Variants in DYRK2 observed in about 807,000 individuals in gnomAD.
DYRK2 encodes the protein dual specificity tyrosine-phosphorylation-regulated kinase 2.
Under a neutral mutation model 41.6 loss-of-function variants are expected in DYRK2, and 12 were observed. The observed-to-expected ratio is 0.29, with a 90% CI of 0.18 to 0.47. The LOEUF (loss-of-function observed/expected upper bound fraction) is 0.47. DYRK2 is among the 20% of genes least tolerant of loss of function. DYRK2 has a pLI of 1.00. For missense variants in DYRK2, 678 were observed against 798.4 expected, an observed-to-expected ratio of 0.85 and a Z score of 1.82; for synonymous variants, 322 against 315.7, an observed-to-expected ratio of 1.02 and a Z score of -0.21.
rs1310218130 is a variant in DYRK2 at position 67,660,098 on chromosome 12, C to G, written c.*1385C>G. 1 of 166,824 alleles carries G rather than the reference C, an allele frequency of 6.0e-6. No individual in the cohort carries two copies. Among genetic ancestry groups the G allele is most frequent in the Non-Finnish European group, 1.5e-5 (1 of 68,086 alleles). 10.3% of individuals were successfully genotyped at this position (166,824 alleles called of 1,614,324 possible). A position where few individuals can be genotyped will look rare whatever the true frequency, so the allele number is the denominator to read the frequency against. ...CAGTGAAAATTTCAGTATTTTATCA[C>G]TAATGTATGAGCAATGATCTATATC... On this transcript the variant is annotated 3_prime_UTR_variant, in exon 3 of 3. Coordinates refer to ENST00000344096, the MANE Select transcript of DYRK2 (RefSeq NM_006482.3).
In DYRK2 at chr12:67,663,547, C is replaced by G. The variant is rs1872675697; in HGVS notation, c.*4834C>G. On this transcript the variant is annotated 3_prime_UTR_variant, in exon 3 of 3. Transcript: ENST00000344096. Reference sequence around the variant, plus strand: ...CCTGGGCCATAGATTTTTGTTACTGCTAATCTTGCTTCTTAAAGTTCACAC... The same window carrying G: ...CCTGGGCCATAGATTTTTGTTACTGGTAATCTTGCTTCTTAAAGTTCACAC... The G allele has an allele frequency of 6.6e-6, 1 of 152,090 alleles. No homozygotes were observed. Among genetic ancestry groups the G allele is most frequent in the Non-Finnish European group, 1.5e-5 (1 of 68,000 alleles). 9.4% of individuals were successfully genotyped at this position (152,090 alleles called of 1,614,324 possible). A position where few individuals can be genotyped will look rare whatever the true frequency, so the allele number is the denominator to read the frequency against.
chr12:67,651,775 A>G (rs1052075038), intron 2 of DYRK2: 1 of 344,592 alleles, frequency 2.9e-6, no homozygotes, highest in Non-Finnish European at 5.7e-6. Flanking sequence ...CTATTCTTTC[A>G]ATTTATAGAT....
chr12:67,657,316 T>C lies in DYRK2; in HGVS notation c.409T>C (p.Ser137Pro), dbSNP rs1472255112. ...LDSIHRRQGS[S>P]TSLKSMEGMG... Reference sequence around the variant, plus strand: ...CAGCATTCATAGACGGCAGGGGAGCTCCACCTCTCTAAAGTCCATGGAAGG... The same window carrying C: ...CAGCATTCATAGACGGCAGGGGAGCCCCACCTCTCTAAAGTCCATGGAAGG... The change falls in exon 3 of 3, where the codon TCC (serine) becomes CCC (proline). Residue 137 changes from serine (S) to proline (P), a missense_variant. By Grantham distance (74) the Ser-to-Pro change is moderately conservative. Transcript: ENST00000344096. The surrounding 1 kb of genome is among the most constrained non-coding windows in gnomAD (Gnocchi z 4.8). 5.6e-6 allele frequency: 9 copies of C among 1,613,720 alleles called. No homozygotes were observed. Among genetic ancestry groups the C allele is most frequent in the Non-Finnish European group, 7.6e-6 (9 of 1,179,916 alleles).
At position 67,658,541 on chromosome 12, in the gene DYRK2, G is replaced by T. The variant is rs1249894970; in HGVS notation, c.1634G>T (p.Gly545Val). Residue 545 changes from glycine to valine, a missense_variant, in exon 3 of 3, where the codon GGG becomes GTG. Physicochemically the swap from Gly to Val is moderately radical, Grantham distance 109 (BLOSUM62 -3). Around this residue, in one of 2 missense-constraint regions of DYRK2, gnomAD observed 393 missense variants for 519.1 expected, o/e 0.76. Transcript: ENST00000344096. This position sits in a 1 kb window ranked among gnomAD's most constrained non-coding sequence, Gnocchi z 4.3. ...AGGCGGTTGCCAAAGCCTCCCACCG[G>T]GGAGAAAACGTCAGTGAAAAGGATA... ...LRRRLPKPPT[G>V]EKTSVKRITE... The T allele has an allele frequency of 3.1e-6, 5 of 1,613,878 alleles. No individual in the cohort carries two copies. In the African/African-American group the frequency reaches 6.7e-5, roughly 22 times the overall value.
intron 2 of DYRK2, among the ~76,000 whole-genome samples, chr12:67,655,192 A>C (rs1324231063): frequency 6.6e-6 from 1 of 152,240 alleles, no homozygotes; most frequent in African/African-American, 2.4e-5. Context: ...AGAAATCTCT[A>C]AAGCCCCAAG....
At position 67,658,725 on chromosome 12, in the gene DYRK2, C is replaced by T. The variant is rs202181002; in HGVS notation, c.*12C>T. 2.5e-6 allele frequency: 4 copies of T among 1,585,242 alleles called. No homozygotes were observed. In the African/African-American group the frequency reaches 5.4e-5, roughly 21 times the overall value. On this transcript the variant is annotated 3_prime_UTR_variant, in exon 3 of 3. Coordinates refer to ENST00000344096, the MANE Select transcript of DYRK2 (RefSeq NM_006482.3). This position sits in a 1 kb window ranked among gnomAD's most constrained non-coding sequence, Gnocchi z 4.3. ...AACTTGTTAGCTGAGCTCACGTCCC[C>T]TGATGCTGGTAACCTGAAAGATACG...
At position 67,649,934 on chromosome 12, in the gene DYRK2, G is replaced by T; in HGVS notation, c.187G>T (p.Ala63Ser). The T allele has an allele frequency of 7.3e-7, 1 of 1,374,952 alleles. No homozygotes were observed. Among genetic ancestry groups the T allele is most frequent in the Non-Finnish European group, 9.3e-7 (1 of 1,072,076 alleles). The allele number at this position is 1,374,952 out of a possible 1,614,324, so 85.2% of individuals were successfully genotyped here. Residue 63 changes from alanine (A) to serine (S), a missense_variant, in exon 2 of 3, where the codon GCA becomes TCA. Transcript: ENST00000344096. ...TCTCCGGGCCAGCAACGCTGCCGCC[G>T]CAGCCCACACGGTGAGACCCAGCCC... ...PPLRASNAAA[A>S]AHTIGGSKHT...
intron 2 of DYRK2, among the ~76,000 whole-genome samples, chr12:67,655,003 T>C (rs1872425256): frequency 1.3e-5 from 2 of 152,174 alleles, no homozygotes; most frequent in Non-Finnish European, 2.9e-5. Flanking sequence ...GGTTAGGTAG[T>C]AGTTGATGCT....
rs766149027 is a variant in DYRK2 at position 67,657,668 on chromosome 12, G to A, written c.761G>A (p.Arg254Gln). 1.9e-6 allele frequency: 3 copies of A among 1,613,648 alleles called. No homozygotes were observed. Among genetic ancestry groups the A allele is most frequent in the Non-Finnish European group, 2.5e-6 (3 of 1,179,942 alleles). The change falls in exon 3 of 3, where the codon CGG becomes CAG. Residue 254 changes from arginine to glutamine, a missense_variant. Arg to Gln is a conservative substitution (Grantham distance 43). Coordinates refer to ENST00000344096, the MANE Select transcript of DYRK2 (RefSeq NM_006482.3). This position sits in a 1 kb window ranked among gnomAD's most constrained non-coding sequence, Gnocchi z 4.8. ...VHQHVALKMVRNEKRFHRQAA... is the reference protein window; with the variant it reads ...VHQHVALKMVQNEKRFHRQAA... Reference sequence around the variant, plus strand: ...CAGCACGTGGCCCTAAAGATGGTGCGGAATGAGAAGCGCTTCCACCGGCAA... The same window carrying A: ...CAGCACGTGGCCCTAAAGATGGTGCAGAATGAGAAGCGCTTCCACCGGCAA...
rs376855807 is a variant in DYRK2, at chr12:67,658,080, A to G, written c.1173A>G (p.Pro391=). 6 of 1,614,124 alleles carry G rather than the reference A, an allele frequency of 3.7e-6. No individual in the cohort carries two copies. The African/African-American group carries it at 4.0e-5, about 11-fold the overall frequency. ...TCCAGTCGCGTTTTTACCGGGCTCCAGAAGTGATCCTTGGGGCCAGGTATG... is the reference window on the plus strand; with the variant it reads ...TCCAGTCGCGTTTTTACCGGGCTCCGGAAGTGATCCTTGGGGCCAGGTATG... The part of the protein sequence containing the change: ...TYIQSRFYRA[P]EVILGARYGM... Residue 391 remains proline (P), a synonymous_variant, in exon 3 of 3, where the codon CCA becomes CCG. Transcript: ENST00000344096. This position sits in a 1 kb window ranked among gnomAD's most constrained non-coding sequence, Gnocchi z 4.3.
In DYRK2 at chr12:67,657,558, C is replaced by T. The variant is rs1409963245; in HGVS notation, c.651C>T (p.His217=). ...CATATGTGCAGGTGCCCCACGATCA[C>T]GTGGCTTACAGGTATGAGGTCCTCA... ...QGSYVQVPHD[H]VAYRYEVLKV... Residue 217 remains histidine (H), a synonymous_variant, in exon 3 of 3, where the codon CAC becomes CAT. Transcript: ENST00000344096. The surrounding 1 kb of genome is among the most constrained non-coding windows in gnomAD (Gnocchi z 4.8). 8 of 1,613,962 alleles carry T rather than the reference C, an allele frequency of 5.0e-6. No individual in the cohort carries two copies. In the East Asian group the frequency reaches 8.9e-5, roughly 18 times the overall value.
chr12:67,663,823 C>T lies in DYRK2; in HGVS notation c.*5110C>T, dbSNP rs1872682625. On this transcript the variant is annotated 3_prime_UTR_variant, in exon 3 of 3. Coordinates refer to ENST00000344096, the MANE Select transcript of DYRK2 (RefSeq NM_006482.3). The stretch of plus-strand genomic sequence containing the variant: ...TCAATGTGCAATTCTGTTTGAGTCT[C>T]TACAGTCCTATCCCTTTTGGAATGA... 1 of 152,162 alleles carries T rather than the reference C, an allele frequency of 6.6e-6. No individual in the cohort carries two copies. The highest frequency in any genetic ancestry group is 1.5e-5 in the Non-Finnish European group (1 of 68,014). The allele number at this position is 152,162 out of a possible 1,614,324, so 9.4% of individuals were successfully genotyped here.
intron 2 of DYRK2, among the ~76,000 whole-genome samples, chr12:67,651,893 C>G (rs1255987487): frequency 6.6e-6 from 1 of 152,186 alleles, no homozygotes; most frequent in Non-Finnish European, 1.5e-5. Context: ...TTTTAATATA[C>G]TGATGGAGAC....
intron 2 of DYRK2, among the ~76,000 whole-genome samples, chr12:67,650,433 A>G (rs578098409): frequency 3.9e-5 from 6 of 152,222 alleles, no homozygotes; most frequent in African/African-American, 7.2e-5. Context: ...AGCATCGCCA[A>G]TTGTCCCCCG....
Position 67,658,418 on chromosome 12 carries a change from A to G in DYRK2, c.1511A>G (p.Asp504Gly). 2 of 1,594,328 alleles carry G rather than the reference A, an allele frequency of 1.3e-6. No individual in the cohort carries two copies. Among genetic ancestry groups the G allele is most frequent in the East Asian group, 2.2e-5 (1 of 44,710 alleles). Residue 504 changes from aspartate to glycine, a missense_variant, in exon 3 of 3, where the codon GAT becomes GGT. By Grantham distance (94) the Asp-to-Gly change is moderately conservative. Transcript: ENST00000344096. The surrounding 1 kb of genome is among the most constrained non-coding windows in gnomAD (Gnocchi z 4.3). Reference protein sequence around the residue: ...REWGNALKGCDDPLFLDFLKQ... With the variant: ...REWGNALKGCGDPLFLDFLKQ... ...TGGGGGAACGCGCTGAAGGGGTGTG[A>G]TGATCCCCTTTTCCTTGACTTCTTA...
rs1202032875 is a variant in DYRK2, at chr12:67,657,754, A to C, written c.847A>C (p.Asn283His). ...LRKQDKDNTM[N>H]VIHMLENFTF... ...GAAGCAGGACAAGGATAACACAATG[A>C]ATGTCATCCATATGCTGGAGAATTT... Residue 283 changes from asparagine to histidine, a missense_variant, in exon 3 of 3, where the codon AAT becomes CAT. Transcript: ENST00000344096. The surrounding 1 kb of genome is among the most constrained non-coding windows in gnomAD (Gnocchi z 4.8). The C allele has an allele frequency of 1.9e-6, 3 of 1,614,206 alleles. No homozygotes were observed. The highest frequency in any genetic ancestry group is 2.5e-6 in the Non-Finnish European group (3 of 1,180,044).
rs375389205 is a variant in DYRK2, at chr12:67,658,341, C to T, written c.1434C>T (p.Asn478=). The part of the protein sequence containing the change: ...TTLSDGSVVL[N]GGRSRRGKLR... The stretch of plus-strand genomic sequence containing the variant: ...TCTCAGATGGCTCTGTGGTCCTAAA[C>T]GGAGGCCGTTCCCGGAGGGGGAAAC... The change falls in exon 3 of 3, where the codon AAC becomes AAT. Residue 478 remains asparagine (N), a synonymous_variant. Coordinates refer to ENST00000344096, the MANE Select transcript of DYRK2 (RefSeq NM_006482.3). This position sits in a 1 kb window ranked among gnomAD's most constrained non-coding sequence, Gnocchi z 4.3. 2.6e-5 allele frequency: 42 copies of T among 1,613,048 alleles called. No homozygotes were observed. The highest frequency in any genetic ancestry group is 8.9e-5 in the East Asian group (4 of 44,874).
rs772319729 is a variant in DYRK2, at chr12:67,658,761, G to A, written c.*48G>A. 2.6e-6 allele frequency: 4 copies of A among 1,543,700 alleles called. No individual in the cohort carries two copies. Among genetic ancestry groups the A allele is most frequent in the Non-Finnish European group, 3.5e-6 (4 of 1,146,128 alleles). On this transcript the variant is annotated 3_prime_UTR_variant, in exon 3 of 3. Transcript: ENST00000344096. This position sits in a 1 kb window ranked among gnomAD's most constrained non-coding sequence, Gnocchi z 4.3. ...AACCTGAAAGATACGACATTGCTGA[G>A]CCTTACTGGGTTGAAAAGGAGTAGC...
Position 67,649,103 on chromosome 12 carries a change from G to A in DYRK2, c.-31G>A, listed in dbSNP as rs773710893. The A allele has an allele frequency of 1.1e-5, 16 of 1,492,214 alleles. No individual in the cohort carries two copies. Among genetic ancestry groups the A allele is most frequent in the East Asian group, 2.9e-5 (1 of 34,008 alleles). The allele number at this position is 1,492,214 out of a possible 1,614,324, so 92.4% of individuals were successfully genotyped here. ...AGCAGGACCGGCGGCGGCGACGGCAGCCCTGAAATGCATTTTCCTCTCCAG... is the reference window on the plus strand; with the variant it reads ...AGCAGGACCGGCGGCGGCGACGGCAACCCTGAAATGCATTTTCCTCTCCAG... On this transcript the variant is annotated 5_prime_UTR_variant, in exon 1 of 3. Coordinates refer to ENST00000344096, the MANE Select transcript of DYRK2 (RefSeq NM_006482.3).
Sources: gnomAD v4.1 joint callset for allele counts (sites outside exome capture counted in the v4.1 genomes callset) on GRCh38, gnomAD v4.1.1 for gene constraint, gnomAD v4.1.1 regional missense constraint, Gnocchi (gnomAD v3.1) non-coding constraint, MANE v1.5 for transcripts, NCBI Gene and HGNC (gene_info 2026-07-23, HGNC 2026-07-21) for gene names.